Variants in LCOR observed in about 807,000 individuals in gnomAD.
The protein encoded by LCOR is ligand-dependent corepressor.
Under a neutral mutation model 64.4 loss-of-function variants are expected in LCOR, and 14 were observed. The ratio of observed to expected loss-of-function variants is 0.22; its 90% CI spans 0.14 to 0.34. The LOEUF is 0.34. LCOR is among the 10% of genes least tolerant of loss of function. The pLI is 1.00. For synonymous variants in LCOR, 643 were observed against 642.5 expected, an observed-to-expected ratio of 1.00 and a Z score of -0.01; for missense variants, 1,686 against 1,765.3, an observed-to-expected ratio of 0.96 and a Z score of 0.80.
chr10:96,930,811 C>T (rs952576610), intron 4 of LCOR, among the ~76,000 whole-genome samples: 2 of 152,180 alleles, frequency 1.3e-5, no homozygotes, highest in African/African-American at 4.8e-5. Context: ...AGCTTACTTG[C>T]CCTTCTCTGC....
intron 4 of LCOR, among the ~76,000 whole-genome samples, chr10:96,943,885 G>A (rs116489469): frequency 0.028 from 4,206 of 152,066 alleles, 199 homozygotes; most frequent in African/African-American, 0.096. Context: ...AGTAAATTTT[G>A]AACAAAACTC....
chr10:96,903,162 T>C (rs1456045017), intron 2 of LCOR, among the ~76,000 whole-genome samples: 2 of 152,172 alleles, frequency 1.3e-5, no homozygotes, highest in Non-Finnish European at 2.9e-5. Context: ...TGGAAGTTGC[T>C]CTGAGTGAGT....
At chr10:96,961,885 A>G (rs945528998) in intron 7 of LCOR, 2 of 150,940 alleles carry the variant, frequency 1.3e-5, no homozygotes, top group Non-Finnish European at 3.0e-5. Context: ...TTTTTCATCC[A>G]GGTGACGTTT....
intron 2 of LCOR, among the ~76,000 whole-genome samples, chr10:96,893,655 C>T (rs961401763): frequency 6.6e-6 from 1 of 151,294 alleles, no homozygotes; most frequent in Non-Finnish European, 1.5e-5. Flanking sequence ...CCCAGCTACT[C>T]GGGAGGCTGA....
chr10:96,888,173 T>G lies in LCOR; in HGVS notation c.-329-19092T>G, dbSNP rs1169396177. ...TGAGGTTAGGAGTTCGAGACCAGCC[T>G]GGCCAACATGATGAAACCCTGTCTC... On this transcript the variant is annotated intron_variant, in intron 2 of 7. Transcript: ENST00000421806. Among the ~76,000 whole-genome samples, 14 of 150,234 alleles carry G rather than the reference T, an allele frequency of 9.3e-5. 1 individual carries two copies. The highest frequency in any genetic ancestry group is 9.3e-4 in the Admixed American group (14 of 15,068).
At chr10:96,897,656 C>A (rs1281959203) in intron 2 of LCOR, among the ~76,000 whole-genome samples, 1 of 152,114 alleles carries the variant, frequency 6.6e-6, no homozygotes, top group Non-Finnish European at 1.5e-5. Flanking sequence ...CTTTTCCCTC[C>A]TTAATGTATT....
At chr10:96,955,574 G>A (rs762229946) in intron 7 of LCOR, 7 of 1,614,206 alleles carry the variant, frequency 4.3e-6, no homozygotes, top group Non-Finnish European at 5.9e-6. Flanking sequence ...ATGCTGAGCA[G>A]TCTACCTCTG....
At chr10:96,965,406 T>C in intron 7 of LCOR, among the ~76,000 whole-genome samples, 1 of 150,276 alleles carries the variant, frequency 6.7e-6, no homozygotes, top group Non-Finnish European at 1.5e-5. Context: ...CTCACGCCTG[T>C]AATCCCAGCA....
chr10:96,840,977 A>G (rs527277546), intron 2 of LCOR, among the ~76,000 whole-genome samples: 59 of 152,278 alleles, frequency 3.9e-4, no homozygotes, highest in Non-Finnish European at 7.8e-4. Context: ...GTCTCCACAC[A>G]AAATACAAAA....
intron 2 of LCOR, among the ~76,000 whole-genome samples, chr10:96,836,596 A>G (rs1353255638): frequency 6.6e-6 from 1 of 152,332 alleles, no homozygotes; most frequent in East Asian, 1.9e-4. Flanking sequence ...GTTATTGTAC[A>G]AGGCATAGTG....
chr10:96,922,327 T>C lies in LCOR; in HGVS notation c.-184+14580T>C, dbSNP rs147675968. Among the ~76,000 whole-genome samples the C allele has an allele frequency of 8.4e-3, 1,275 of 152,284 alleles. 20 individuals are homozygous for C. Among genetic ancestry groups the C allele is most frequent in the African/African-American group, 0.029 (1,204 of 41,570 alleles). ...TGCTATAAGTGAAAGAAAGAAGTTTTGGCCACAGATATTATTTTCAAGGAA... is the reference window on the plus strand; with the variant it reads ...TGCTATAAGTGAAAGAAAGAAGTTTCGGCCACAGATATTATTTTCAAGGAA... On this transcript the variant is annotated intron_variant, in intron 4 of 7. Coordinates refer to ENST00000421806, the MANE Select transcript of LCOR (RefSeq NM_001346516.2).
At chr10:96,897,866 CT>C (rs59098946) in intron 2 of LCOR, among the ~76,000 whole-genome samples, 8,586 of 116,284 alleles carry the variant, frequency 0.074, 204 homozygotes, top group East Asian at 0.18. Context: ...AGAAAGCCAT[CT>C]TTTTTTTTTT....
chr10:96,854,578 C>T (rs1189253400), intron 2 of LCOR, among the ~76,000 whole-genome samples: 5 of 152,170 alleles, frequency 3.3e-5, no homozygotes, highest in East Asian at 1.9e-4. Context: ...CCGCTGACCT[C>T]GGCCTCCCAA....
Position 96,941,280 on chromosome 10 carries a change from C to T in LCOR, c.-183-2833C>T, listed in dbSNP as rs1464685212. On this transcript the variant is annotated intron_variant, in intron 4 of 7. Coordinates refer to ENST00000421806, the MANE Select transcript of LCOR (RefSeq NM_001346516.2). ...CTCCCGGACGGGGCGGCTGGCCAGG[C>T]GGGGGGCTGATCCCCCCACCTCCCT... 7.8e-3 allele frequency among the ~76,000 whole-genome samples: 1,066 copies of T among 137,410 alleles called. 12 individuals carry two copies. The highest frequency in any genetic ancestry group is 0.029 in the African/African-American group (992 of 34,158). The allele number at this position is 137,410 out of a possible 152,430, so 90.1% of individuals were successfully genotyped here.
intron 4 of LCOR, among the ~76,000 whole-genome samples, chr10:96,912,623 C>CCTTT (rs1483102930): frequency 6.7e-6 from 1 of 148,566 alleles, no homozygotes; most frequent in Non-Finnish European, 1.5e-5. Flanking sequence ...TTCCTTCCTT[C>CCTTT]CTTCCTTCCT....
intron 2 of LCOR, among the ~76,000 whole-genome samples, chr10:96,858,503 A>C (rs542167248): frequency 2.0e-5 from 3 of 152,346 alleles, no homozygotes; most frequent in Admixed American, 6.5e-5. Flanking sequence ...CTAGAGAAAC[A>C]AACCAACCAT....
At chr10:96,845,255 T>C (rs1434380717) in intron 2 of LCOR, among the ~76,000 whole-genome samples, 1 of 151,936 alleles carries the variant, frequency 6.6e-6, no homozygotes, top group Non-Finnish European at 1.5e-5. Context: ...CAAAATAAAA[T>C]GTGAAGGTTC....
At chr10:96,839,316 C>T (rs184208837) in intron 2 of LCOR, among the ~76,000 whole-genome samples, 107 of 152,276 alleles carry the variant, frequency 7.0e-4, no homozygotes, top group African/African-American at 2.1e-3. Context: ...AGAACAAATA[C>T]AGATCAATAC....
intron 2 of LCOR, among the ~76,000 whole-genome samples, chr10:96,849,457 G>A (rs774375119): frequency 3.9e-5 from 6 of 152,090 alleles, no homozygotes; most frequent in Non-Finnish European, 7.4e-5. Flanking sequence ...TGATTGGCCC[G>A]CCTCGGCCTC....
Sources: allele counts gnomAD v4.1 joint callset (sites outside exome capture counted in the v4.1 genomes callset), GRCh38; gene constraint gnomAD v4.1.1; transcripts MANE v1.5; gene names NCBI Gene and HGNC (gene_info 2026-07-23, HGNC 2026-07-21).